PDE4B: variants seen among roughly 807,000 people sequenced by gnomAD.
The protein encoded by PDE4B is phosphodiesterase 4B.
In PDE4B, 20 loss-of-function variants were observed where a neutral mutation model predicts 82.2. The observed-to-expected ratio is 0.24, with a 90% confidence interval of 0.17 to 0.35. PDE4B has a LOEUF of 0.35. PDE4B is among the 10% of genes least tolerant of loss of function. The probability of loss-of-function intolerance (pLI) is 1.00; values close to 1 mark genes in which losing one functional copy is unlikely to be tolerated. For synonymous variants in PDE4B, 320 were observed against 318.9 expected (o/e 1.00, Z -0.04); for missense variants, 655 against 907.2 (o/e 0.72, Z 3.57).
At chr1:65,953,552 G>A (rs1403742696) in intron 3 of PDE4B, among the ~76,000 whole-genome samples, 1 of 152,076 alleles carries the variant, frequency 6.6e-6, no homozygotes, top group Admixed American at 6.6e-5. Flanking sequence ...TAGAAGCTGT[G>A]AAAAAGCAAG....
intron 3 of PDE4B, among the ~76,000 whole-genome samples, chr1:66,048,624 G>T (rs1024530578): frequency 6.6e-6 from 1 of 151,908 alleles, no homozygotes. Flanking sequence ...TTATTTTATA[G>T]TTGTGGATGC....
At chr1:66,067,386 T>C (rs1431388962) in intron 3 of PDE4B, among the ~76,000 whole-genome samples, 1 of 152,140 alleles carries the variant, frequency 6.6e-6, no homozygotes, top group Non-Finnish European at 1.5e-5. Flanking sequence ...CTATTCTAAC[T>C]GGTGTGAGAT....
chr1:66,081,187 A>G (rs1178345617), intron 3 of PDE4B, among the ~76,000 whole-genome samples: 1 of 152,098 alleles, frequency 6.6e-6, no homozygotes, highest in Non-Finnish European at 1.5e-5. Flanking sequence ...TTTCCCCCAT[A>G]AAAATTGCTG....
intron 3 of PDE4B, among the ~76,000 whole-genome samples, chr1:66,157,512 A>G (rs1646524060): frequency 6.6e-6 from 1 of 152,180 alleles, no homozygotes; most frequent in African/African-American, 2.4e-5. Flanking sequence ...ATTTGCATTT[A>G]CTGGCTCTGT....
rs867216351 is a variant in PDE4B at position 66,096,527 on chromosome 1, T to C, written c.282-150933T>C. On this transcript the variant is annotated intron_variant, in intron 3 of 16. Transcript: ENST00000341517. Reference sequence around the variant, plus strand: ...AAAAAATTATATATATATATATATATATATATATATATATACTGCATTTCA... The same window carrying C: ...AAAAAATTATATATATATATATATACATATATATATATATACTGCATTTCA... 1.9e-4 allele frequency among the ~76,000 whole-genome samples: 27 copies of C among 142,034 alleles called. 1 individual carries two copies. The highest frequency in any genetic ancestry group is 5.4e-4 in the African/African-American group (21 of 38,850). The allele number at this position is 142,034 out of a possible 152,430, so 93.2% of individuals were successfully genotyped here.
intron 7 of PDE4B, among the ~76,000 whole-genome samples, chr1:66,312,402 G>A (rs1658736379): frequency 6.6e-6 from 1 of 152,194 alleles, no homozygotes; most frequent in South Asian, 2.1e-4. Flanking sequence ...GCTTCTAGAG[G>A]TTGCATGCAT....
chr1:65,971,812 T>C (rs1650155620), intron 3 of PDE4B, among the ~76,000 whole-genome samples: 1 of 152,210 alleles, frequency 6.6e-6, no homozygotes, highest in Admixed American at 6.5e-5. Flanking sequence ...ATCTCTAGAA[T>C]GCTTAAGTAG....
chr1:66,289,433 G>A (rs1174560428), intron 7 of PDE4B, among the ~76,000 whole-genome samples: 1 of 152,104 alleles, frequency 6.6e-6, no homozygotes, highest in Non-Finnish European at 1.5e-5. Flanking sequence ...CCAAGGAGGT[G>A]ATATTTCTAT....
intron 3 of PDE4B, among the ~76,000 whole-genome samples, chr1:66,147,526 G>A (rs1282606019): frequency 6.6e-6 from 1 of 152,180 alleles, no homozygotes; most frequent in Admixed American, 6.5e-5. Flanking sequence ...CACAATTTCA[G>A]GGGAGAGGAA....
At chr1:66,110,713 C>T (rs567152742) in intron 3 of PDE4B, among the ~76,000 whole-genome samples, 1 of 152,064 alleles carries the variant, frequency 6.6e-6, no homozygotes, top group African/African-American at 2.4e-5. Context: ...ATATGGTTGT[C>T]AAGGAAATAA....
intron 3 of PDE4B, among the ~76,000 whole-genome samples, chr1:66,234,252 C>T (rs1011645221): frequency 2.0e-5 from 3 of 152,134 alleles, no homozygotes; most frequent in African/African-American, 2.4e-5. Context: ...ACAAGGAATT[C>T]GTCCACTTCA....
At chr1:65,809,709 C>T (rs1183080906) in intron 1 of PDE4B, among the ~76,000 whole-genome samples, 3 of 152,168 alleles carry the variant, frequency 2.0e-5, no homozygotes, top group Non-Finnish European at 4.4e-5. Flanking sequence ...ATTTAAACTG[C>T]ACTTTCTGAA....
intron 3 of PDE4B, among the ~76,000 whole-genome samples, chr1:66,035,217 A>T (rs1314233137): frequency 6.6e-6 from 1 of 152,118 alleles, no homozygotes; most frequent in Non-Finnish European, 1.5e-5. Context: ...GTAATTGTGT[A>T]TATTTATGGG....
chr1:66,254,840 G>A (rs1654067477), intron 4 of PDE4B, among the ~76,000 whole-genome samples: 1 of 152,054 alleles, frequency 6.6e-6, no homozygotes, highest in Non-Finnish European at 1.5e-5. Flanking sequence ...ATTACCTATT[G>A]GTTCTCATCA....
At chr1:66,023,449 G>A (rs2100774877) in intron 3 of PDE4B, among the ~76,000 whole-genome samples, 1 of 152,162 alleles carries the variant, frequency 6.6e-6, no homozygotes, top group Non-Finnish European at 1.5e-5. Context: ...GAACAAGGTA[G>A]CATATGCTCA....
rs1650993202 is a variant in PDE4B at position 66,221,577 on chromosome 1, A to T, written c.282-25883A>T. Among the ~76,000 whole-genome samples, 3 of 152,214 alleles carry T rather than the reference A, an allele frequency of 2.0e-5. No homozygotes were observed. The South Asian group carries it at 6.2e-4, about 32-fold the overall frequency. On this transcript the variant is annotated intron_variant, in intron 3 of 16. Coordinates refer to ENST00000341517, the MANE Select transcript of PDE4B (RefSeq NM_002600.4). ...TAGATTAGGTAATTTAGGATTAAAC[A>T]TATCAGGTAAATTCTCCCAAATCAC...
chr1:66,109,239 A>C (rs1645433293), intron 3 of PDE4B, among the ~76,000 whole-genome samples: 1 of 151,988 alleles, frequency 6.6e-6, no homozygotes, highest in African/African-American at 2.4e-5. Context: ...CCAAATTATA[A>C]GTAAGAATAC....
intron 1 of PDE4B, among the ~76,000 whole-genome samples, chr1:65,865,634 G>A (rs1386392718): frequency 6.6e-6 from 1 of 152,142 alleles, no homozygotes; most frequent in Non-Finnish European, 1.5e-5. Context: ...GGCTGAGGTA[G>A]GGAGGTCCCT....
At chr1:65,819,565 G>A (rs1557763033) in intron 1 of PDE4B, among the ~76,000 whole-genome samples, 1 of 150,212 alleles carries the variant, frequency 6.7e-6, no homozygotes, top group Non-Finnish European at 1.5e-5. Context: ...ACAGTGGCGC[G>A]ATCTCGGCTC....
Sources: gnomAD v4.1 joint callset for allele counts (sites outside exome capture counted in the v4.1 genomes callset) on GRCh38, gnomAD v4.1.1 for gene constraint, MANE v1.5 for transcripts, NCBI Gene and HGNC (gene_info 2026-07-23, HGNC 2026-07-21) for gene names.